Variants in WDR72 observed in about 807,000 individuals in gnomAD.
WDR72 encodes WD repeat domain 72.
A neutral mutation model predicts 124.2 loss-of-function variants in WDR72; 120 were observed. That is an observed-to-expected ratio of 0.97 (90% CI 0.83 to 1.12). The LOEUF (loss-of-function observed/expected upper bound fraction) is 1.12, where lower values mean the gene tolerates loss of function less well. WDR72 is among the 50% of genes most tolerant of loss of function. WDR72 has a pLI of 0.00. For missense variants in WDR72, 1,387 were observed against 1,278.8 expected (o/e 1.08, Z -1.29); for synonymous variants, 452 against 441.7 (o/e 1.02, Z -0.29).
intron 14 of WDR72, among the ~76,000 whole-genome samples, chr15:53,625,908 C>T (rs80099999): frequency 0.014 from 2,078 of 152,196 alleles, 40 homozygotes; most frequent in East Asian, 0.078. Context: ...CTATGTTCTT[C>T]TTCCTTTTCT....
chr15:53,751,058 A>G (rs1477008172), intron 1 of WDR72, among the ~76,000 whole-genome samples: 1 of 152,162 alleles, frequency 6.6e-6, no homozygotes, highest in Non-Finnish European at 1.5e-5. Context: ...AATTTTGGAA[A>G]AAGTTCTGCT....
intron 18 of WDR72, among the ~76,000 whole-genome samples, chr15:53,540,720 C>A (rs1893055972): frequency 6.6e-6 from 1 of 152,162 alleles, no homozygotes; most frequent in South Asian, 2.1e-4. Context: ...TTCTGCACTT[C>A]CATCTGAGGT....
chr15:53,754,921 A>C (rs2018861687), intron 1 of WDR72, among the ~76,000 whole-genome samples: 1 of 152,244 alleles, frequency 6.6e-6, no homozygotes, highest in Non-Finnish European at 1.5e-5. Flanking sequence ...TCCACAATCA[A>C]TAAAGATATG....
At chr15:53,685,572 A>C (rs2140490624) in intron 13 of WDR72, among the ~76,000 whole-genome samples, 1 of 146,850 alleles carries the variant, frequency 6.8e-6, no homozygotes, top group East Asian at 2.1e-4. Flanking sequence ...GAAAAGACCA[A>C]ATCTATGTCT....
chr15:53,545,294 G>C (rs1203132579), intron 18 of WDR72, among the ~76,000 whole-genome samples: 8 of 151,388 alleles, frequency 5.3e-5, no homozygotes, highest in Admixed American at 2.0e-4. Flanking sequence ...AAAACAGCAT[G>C]GTACTGGTAC....
intron 13 of WDR72, among the ~76,000 whole-genome samples, chr15:53,678,903 C>A (rs2016279304): frequency 6.6e-6 from 1 of 152,086 alleles, no homozygotes; most frequent in Admixed American, 6.6e-5. Flanking sequence ...TGGAAGCAAC[C>A]CAAGTGTCCA....
intron 17 of WDR72, among the ~76,000 whole-genome samples, chr15:53,602,586 C>T (rs1482875965): frequency 6.6e-6 from 1 of 151,862 alleles, no homozygotes; most frequent in African/African-American, 2.4e-5. Flanking sequence ...AAATAGATCA[C>T]TCACTAGACT....
intron 1 of WDR72, among the ~76,000 whole-genome samples, chr15:53,751,631 G>A (rs550167731): frequency 6.6e-6 from 1 of 152,198 alleles, no homozygotes; most frequent in Non-Finnish European, 1.5e-5. Context: ...ATATCTCCAA[G>A]ATATGTCTGT....
chr15:53,683,794 T>A (rs1045001664), intron 13 of WDR72, among the ~76,000 whole-genome samples: 45 of 152,104 alleles, frequency 3.0e-4, no homozygotes, highest in Non-Finnish European at 1.3e-4. Flanking sequence ...TCTGATTTTT[T>A]AAAAAGTATA....
At chr15:53,598,778 C>A (rs566526797) in intron 17 of WDR72, among the ~76,000 whole-genome samples, 98 of 152,202 alleles carry the variant, frequency 6.4e-4, no homozygotes, top group Non-Finnish European at 1.3e-3. Flanking sequence ...ACTGCCTAAT[C>A]GCAATGCAAG....
chr15:53,655,295 C>T (rs1397201458), intron 14 of WDR72, among the ~76,000 whole-genome samples: 2 of 144,750 alleles, frequency 1.4e-5, no homozygotes, highest in African/African-American at 5.1e-5. Flanking sequence ...CATCTATCAA[C>T]CTGACTTTAT....
intron 13 of WDR72, among the ~76,000 whole-genome samples, chr15:53,683,889 T>A (rs1223679678): frequency 6.6e-6 from 1 of 152,130 alleles, no homozygotes; most frequent in Non-Finnish European, 1.5e-5. Flanking sequence ...ATTGAGTAAT[T>A]CAAAATCTCT....
chr15:53,719,987 A>G (rs1478696693), intron 3 of WDR72, among the ~76,000 whole-genome samples: 1 of 152,112 alleles, frequency 6.6e-6, no homozygotes, highest in Non-Finnish European at 1.5e-5. Context: ...CATATATAAA[A>G]ATAATATAGT....
chr15:53,563,954 T>C (rs1248195439), intron 18 of WDR72, among the ~76,000 whole-genome samples: 1 of 151,866 alleles, frequency 6.6e-6, no homozygotes, highest in Non-Finnish European at 1.5e-5. Context: ...TCCGCTGAAT[T>C]ACAGGTTTGT....
intron 18 of WDR72, among the ~76,000 whole-genome samples, chr15:53,565,633 C>G (rs1463930375): frequency 3.3e-5 from 5 of 151,906 alleles, no homozygotes; most frequent in Non-Finnish European, 7.4e-5. Flanking sequence ...CTACTATGCA[C>G]ACACTATGAT....
intron 14 of WDR72, among the ~76,000 whole-genome samples, chr15:53,619,908 C>G (rs1035521009): frequency 1.3e-4 from 19 of 151,944 alleles, no homozygotes; most frequent in African/African-American, 4.6e-4. Flanking sequence ...GACTGATGTT[C>G]AGACTATTAG....
At chr15:53,700,857 T>G (rs1010272891) in intron 12 of WDR72, among the ~76,000 whole-genome samples, 3 of 152,170 alleles carry the variant, frequency 2.0e-5, no homozygotes, top group Non-Finnish European at 2.9e-5. Context: ...CTAACCATTC[T>G]ATTTCCTGGA....
At chr15:53,557,496 T>G (rs1449100569) in intron 18 of WDR72, among the ~76,000 whole-genome samples, 1 of 152,084 alleles carries the variant, frequency 6.6e-6, no homozygotes, top group Non-Finnish European at 1.5e-5. Flanking sequence ...TGGAAGGCGA[T>G]GTTCAGAAGA....
chr15:53,681,262 G>A (rs1776569571), intron 13 of WDR72, among the ~76,000 whole-genome samples: 1 of 152,148 alleles, frequency 6.6e-6, no homozygotes, highest in Non-Finnish European at 1.5e-5. Flanking sequence ...AAGTTGCTAG[G>A]GAATTGAAAG....
Sources: allele counts gnomAD v4.1 joint callset (sites outside exome capture counted in the v4.1 genomes callset), GRCh38; gene constraint gnomAD v4.1.1; transcripts MANE v1.5; gene names NCBI Gene and HGNC (gene_info 2026-07-23, HGNC 2026-07-21).